The following POF1B variants were observed in gnomAD, a reference collection of about 807,000 sequenced individuals.
POF1B encodes protein POF1B.
POF1B carries 53 observed loss-of-function variants against 55.3 expected under a neutral mutation model. The ratio of observed to expected loss-of-function variants is 0.96; its 90% CI spans 0.77 to 1.20. POF1B has a LOEUF of 1.20. Among genes scored for constraint, POF1B ranks in the 50% most tolerant of loss-of-function variants. The pLI is 0.00. For missense variants in POF1B, 478 were observed against 420.5 expected, an observed-to-expected ratio of 1.14 and a Z score of -1.20; for synonymous variants, 188 against 148.3, an observed-to-expected ratio of 1.27 and a Z score of -1.95.
intron 7 of POF1B, among the ~76,000 whole-genome samples, chrX:85,326,151 T>G (rs1034423383): frequency 2.7e-5 from 3 of 112,200 alleles, no homozygotes; most frequent in Non-Finnish European, 5.6e-5. Context: ...CACCCTCGTT[T>G]GCACATGTCA....
chrX:85,300,615 T>A (rs1013707066), intron 15 of POF1B, among the ~76,000 whole-genome samples: 2 of 112,199 alleles, frequency 1.8e-5, no homozygotes, highest in Non-Finnish European at 3.8e-5. Context: ...CCACATTATA[T>A]TATTTTCAAT....
chrX:85,281,724 A>C (rs1931901305), intron 16 of POF1B, among the ~76,000 whole-genome samples: 1 of 103,023 alleles, frequency 9.7e-6, no homozygotes, highest in Non-Finnish European at 1.9e-5. Flanking sequence ...AAATCCTAAT[A>C]TATATAATAT....
chrX:85,332,417 A>G (rs760633808), intron 6 of POF1B, among the ~76,000 whole-genome samples: 2 of 110,949 alleles, frequency 1.8e-5, no homozygotes, highest in Non-Finnish European at 3.8e-5. Flanking sequence ...TTGGGTATCA[A>G]TCTTTTCAAT....
chrX:85,342,330 G>C (rs1190231672), intron 6 of POF1B, among the ~76,000 whole-genome samples: 2 of 111,495 alleles, frequency 1.8e-5, no homozygotes, highest in African/African-American at 6.5e-5. Context: ...GTACTTTAAA[G>C]GTGATCTAGT....
chrX:85,341,884 G>A (rs1933180412), intron 6 of POF1B, among the ~76,000 whole-genome samples: 1 of 110,920 alleles, frequency 9.0e-6, no homozygotes, highest in Admixed American at 9.6e-5. Context: ...ATTTTTCATT[G>A]GCAATAGCAC....
chrX:85,367,180 G>A (rs1933739150), intron 3 of POF1B, among the ~76,000 whole-genome samples: 1 of 111,450 alleles, frequency 9.0e-6, no homozygotes, highest in African/African-American at 3.3e-5. Context: ...TTCAATATGT[G>A]TTTATTATTA....
intron 15 of POF1B, among the ~76,000 whole-genome samples, chrX:85,293,980 A>AT (rs36107517): frequency 0.081 from 8,943 of 110,283 alleles, 842 homozygotes; most frequent in African/African-American, 0.27. Flanking sequence ...TCAAAAAAAA[A>AT]AAATAAATAA....
rs757089194 is a variant in POF1B, at chrX:85,355,694, A to G, written c.438+3856T>C. Among the ~76,000 whole-genome samples, 804 of 111,621 alleles carry G rather than the reference A, an allele frequency of 7.2e-3. 13 individuals are homozygous for G. Among genetic ancestry groups the G allele is most frequent in the African/African-American group, 0.025 (760 of 30,177 alleles). ...AAAAGAAGACATTTATGCAGCCAAAAAACACATGAAAAAATGCTCATCGTC... is the reference window on the plus strand; with the variant it reads ...AAAAGAAGACATTTATGCAGCCAAAGAACACATGAAAAAATGCTCATCGTC... On this transcript the variant is annotated intron_variant, in intron 4 of 16. Transcript: ENST00000262753.
chrX:85,379,630 G>T lies in POF1B; in HGVS notation c.-42+9C>A, dbSNP rs1933982013. 8.2e-6 allele frequency: 4 copies of T among 487,181 alleles called. No homozygotes were observed. The East Asian group carries it at 1.5e-4, about 18-fold the overall frequency. The allele number at this position is 487,181 out of a possible 1,213,427, so 40.1% of individuals were successfully genotyped here. ...GCCAATAGTGGTGCCGGGAAGAGAA[G>T]AAAGCTACCTGAGCAGCAGCAAGAG... On this transcript the variant is annotated intron_variant, in intron 1 of 16. Transcript: ENST00000262753.
chrX:85,376,269 G>A (rs1293845460), intron 2 of POF1B, among the ~76,000 whole-genome samples: 1 of 111,713 alleles, frequency 9.0e-6, no homozygotes, highest in East Asian at 2.8e-4. Flanking sequence ...AAGAATGTTA[G>A]CCCAATGAGT....
At chrX:85,325,690 TC>T (rs1341026524) in intron 7 of POF1B, among the ~76,000 whole-genome samples, 4 of 111,948 alleles carry the variant, frequency 3.6e-5, no homozygotes. Context: ...AGCCATCTCA[TC>T]CTGGTTAGGA....
At chrX:85,285,125 G>A (rs1375107930) in intron 15 of POF1B, among the ~76,000 whole-genome samples, 1 of 111,452 alleles carries the variant, frequency 9.0e-6, no homozygotes, top group Non-Finnish European at 1.9e-5. Context: ...CACTTAGAAT[G>A]GCGATCATTA....
At chrX:85,323,132 A>T (rs1932857328) in intron 7 of POF1B, among the ~76,000 whole-genome samples, 1 of 111,650 alleles carries the variant, frequency 9.0e-6, no homozygotes, top group African/African-American at 3.3e-5. Flanking sequence ...GCTGCTATAA[A>T]GACACATGCA....
At chrX:85,341,169 G>A (rs5968476) in intron 6 of POF1B, among the ~76,000 whole-genome samples, 2,003 of 110,892 alleles carry the variant, frequency 0.018, 27 homozygotes, top group Middle Eastern at 0.092. Flanking sequence ...AGCAGCATAA[G>A]TATACCCATA....
rs1170458564 is a variant in POF1B, at chrX:85,306,180, C to A, written c.1317+1G>T. ...GTATATTTAAAAGGAAGTTTTAATA[C>A]CTGCATTCTAAGGTTTTGATTCTCT... On this transcript the variant is annotated splice_donor_variant, in intron 12 of 16. Transcript: ENST00000262753. LOFTEE classifies it high-confidence loss of function. 10 of 1,192,295 alleles carry A rather than the reference C, an allele frequency of 8.4e-6. No individual in the cohort carries two copies. The highest frequency in any genetic ancestry group is 1.0e-5 in the Non-Finnish European group (9 of 882,052).
At chrX:85,329,055 A>G (rs755945632) in intron 7 of POF1B, among the ~76,000 whole-genome samples, 1 of 111,194 alleles carries the variant, frequency 9.0e-6, no homozygotes, top group Non-Finnish European at 1.9e-5. Flanking sequence ...AGAAAAGTTC[A>G]TAGATTATAG....
At chrX:85,296,450 C>A (rs1039710200) in intron 15 of POF1B, among the ~76,000 whole-genome samples, 1 of 111,921 alleles carries the variant, frequency 8.9e-6, no homozygotes, top group African/African-American at 3.2e-5. Flanking sequence ...AATAAATTCC[C>A]TTAGTGTTTT....
intron 16 of POF1B, among the ~76,000 whole-genome samples, chrX:85,281,129 G>C (rs1315280149): frequency 9.1e-6 from 1 of 110,360 alleles, no homozygotes; most frequent in Non-Finnish European, 1.9e-5. Context: ...ACCAATGATG[G>C]GTTGAAAATA....
intron 15 of POF1B, among the ~76,000 whole-genome samples, chrX:85,284,559 G>T (rs1481599854): frequency 9.0e-6 from 1 of 111,703 alleles, no homozygotes; most frequent in Non-Finnish European, 1.9e-5. Context: ...ATGGGGAAAG[G>T]ATTCCCTTTT....
Sources: gnomAD v4.1 joint callset for allele counts (sites outside exome capture counted in the v4.1 genomes callset) on GRCh38, gnomAD v4.1.1 for gene constraint, MANE v1.5 for transcripts, NCBI Gene and HGNC (gene_info 2026-07-23, HGNC 2026-07-21) for gene names.